SLC18B1: variants seen among roughly 807,000 people sequenced by gnomAD.
SLC18B1 encodes MFS-type transporter SLC18B1.
SLC18B1 carries 62 observed loss-of-function variants against 53.9 expected under a neutral mutation model. The observed-to-expected ratio is 1.15, with a 90% CI of 0.94 to 1.42. SLC18B1 has a LOEUF of 1.42. Among genes scored for constraint, SLC18B1 ranks in the 40% most tolerant of loss-of-function variants. The pLI, the probability that SLC18B1 is intolerant of heterozygous loss-of-function variation, is 0.00. For synonymous variants in SLC18B1, 217 were observed against 200.9 expected (o/e 1.08, Z -0.68); for missense variants, 598 against 547.3 (o/e 1.09, Z -0.93).
intron 4 of SLC18B1, among the ~76,000 whole-genome samples, chr6:132,788,053 C>T (rs776562881): frequency 1.6e-4 from 24 of 151,208 alleles, no homozygotes; most frequent in Non-Finnish European, 2.8e-4. Context: ...TCCAGCTACT[C>T]GGGAGGCTGA....
At chr6:132,775,017 TC>T (rs1167898024) in intron 8 of SLC18B1, among the ~76,000 whole-genome samples, 1 of 152,130 alleles carries the variant, frequency 6.6e-6, no homozygotes, top group Non-Finnish European at 1.5e-5. Flanking sequence ...AATGCTTATG[TC>T]CCCCCAAAAT....
intron 10 of SLC18B1, 67 bp from the exon 11 acceptor site, chr6:132,772,273 G>T: frequency 2.1e-6 from 2 of 944,318 alleles, no homozygotes; most frequent in Non-Finnish European, 3.1e-6. Context: ...AAAATTGTAT[G>T]ATAGATCAAT....
chr6:132,781,333 C>T (rs1436778336), intron 6 of SLC18B1, among the ~76,000 whole-genome samples: 1 of 151,492 alleles, frequency 6.6e-6, no homozygotes, highest in East Asian at 1.9e-4. Context: ...CTGACAAAGC[C>T]TGCACAGGAA....
chr6:132,777,607 G>A (rs962749199), intron 7 of SLC18B1, among the ~76,000 whole-genome samples: 4 of 152,032 alleles, frequency 2.6e-5, no homozygotes, highest in African/African-American at 9.7e-5. Flanking sequence ...CCAGCTACTC[G>A]GGAGGCTGAG....
chr6:132,782,901 A>T (rs1403551443), intron 6 of SLC18B1, among the ~76,000 whole-genome samples: 2 of 151,548 alleles, frequency 1.3e-5, no homozygotes, highest in African/African-American at 4.9e-5. Context: ...CAGCCTCCTG[A>T]GTAGCTGGGA....
At chr6:132,776,512 A>C in intron 7 of SLC18B1, 83 bp from the exon 8 acceptor site, 1 of 933,248 alleles carries the variant, frequency 1.1e-6, no homozygotes, top group Non-Finnish European at 1.6e-6. Context: ...CCATTTCTTT[A>C]GCTCTTATTA....
At chr6:132,797,575 G>A (rs143670977) in intron 1 of SLC18B1, among the ~76,000 whole-genome samples, 3,926 of 152,246 alleles carry the variant, frequency 0.026, 149 homozygotes, top group African/African-American at 0.09. Flanking sequence ...TCCAGCCTGG[G>A]CTACAGAGAG....
At chr6:132,770,473 C>A in intron 13 of SLC18B1, 137 bp from the exon 14 acceptor site, 1 of 701,400 alleles carries the variant, frequency 1.4e-6, no homozygotes, top group South Asian at 1.8e-5. Context: ...TGGTGGCTCA[C>A]GCCTGTAATC....
Position 132,790,265 on chromosome 6 carries a change from T to C in SLC18B1, c.191A>G (p.Lys64Arg). ...GATAATTGTATTGCTGGCTCCCTTCTTTTCAGCCTTTAAGTAATAGAAACG... is the reference window on the plus strand; with the variant it reads ...GATAATTGTATTGCTGGCTCCCTTCCTTTCAGCCTTTAAGTAATAGAAACG... ...LGPFFPKEAEKKGASNTIIGM... is the reference protein window; with the variant it reads ...LGPFFPKEAERKGASNTIIGM... The change falls in exon 3 of 14, where the codon AAG (lysine) becomes AGG (arginine). Residue 64 changes from lysine to arginine, a missense_variant. Physicochemically the swap from Lys to Arg is conservative, Grantham distance 26. Coordinates refer to ENST00000275227, the MANE Select transcript of SLC18B1 (RefSeq NM_052831.3). The C allele has an allele frequency of 1.3e-6, 2 of 1,549,828 alleles. No individual in the cohort carries two copies. Among genetic ancestry groups the C allele is most frequent in the Non-Finnish European group, 1.7e-6 (2 of 1,146,452 alleles).
At position 132,787,563 on chromosome 6, in the gene SLC18B1, T is replaced by C; in HGVS notation, c.372A>G (p.Pro124=). 1 of 1,598,734 alleles carries C rather than the reference T, an allele frequency of 6.3e-7. No homozygotes were observed. Among genetic ancestry groups the C allele is most frequent in the South Asian group, 1.1e-5 (1 of 88,006 alleles). ...ACATAGCAATAAATACTGGCCCATC[T>C]GGAACTCGGTCCAATACACTAAAAA... ...TILFGVLDRV[P]DGPVFIAMCF... The change falls in exon 5 of 14, where the codon CCA becomes CCG. Residue 124 remains proline, a synonymous_variant. Transcript: ENST00000275227.
At chr6:132,789,502 G>T (rs114819435) in intron 4 of SLC18B1, 215 of 307,276 alleles carry the variant, frequency 7.0e-4, no homozygotes, top group African/African-American at 4.3e-3. Flanking sequence ...AGTGAGTTAA[G>T]TTTCTGTCAC....
Position 132,770,174 on chromosome 6 carries a change from GT to G in SLC18B1, c.*95del. On this transcript the variant is annotated 3_prime_UTR_variant, in exon 14 of 14. Transcript: ENST00000275227. ...AAGACACTGGCACGGGGTCCACGGA[GT>G]TTTGCGCGTAAAATTTTAAAAACCC... 1 of 1,014,814 alleles carries G rather than the reference GT, an allele frequency of 9.9e-7. No individual in the cohort carries two copies. 62.9% of individuals were successfully genotyped at this position (1,014,814 alleles called of 1,614,324 possible).
intron 10 of SLC18B1, 55 bp from the exon 11 acceptor site, chr6:132,772,261 A>G: frequency 8.8e-7 from 1 of 1,134,804 alleles, no homozygotes; most frequent in South Asian, 1.6e-5. Flanking sequence ...TGTGTGAAAG[A>G]AAAAATTGTA....
intron 3 of SLC18B1, 102 bp downstream of exon 3, chr6:132,790,075 G>T: frequency 1.1e-6 from 1 of 871,558 alleles, no homozygotes; most frequent in Non-Finnish European, 1.8e-6. Flanking sequence ...AAACTATAAC[G>T]ATGGCTATTT....
chr6:132,782,986 G>A (rs1781274769), intron 6 of SLC18B1, among the ~76,000 whole-genome samples: 3 of 151,760 alleles, frequency 2.0e-5, no homozygotes, highest in Non-Finnish European at 4.4e-5. Flanking sequence ...TGTTGGTCAG[G>A]CCGGTCTCAA....
intron 4 of SLC18B1, among the ~76,000 whole-genome samples, chr6:132,788,043 T>A (rs1247367678): frequency 6.6e-6 from 1 of 151,570 alleles, no homozygotes; most frequent in Non-Finnish European, 1.5e-5. Flanking sequence ...CACCTGTAGT[T>A]CCAGCTACTC....
Position 132,776,407 on chromosome 6 carries a change from A to T in SLC18B1, c.818T>A (p.Val273Glu). The T allele has an allele frequency of 6.2e-7, 1 of 1,613,448 alleles. No individual in the cohort carries two copies. The highest frequency in any genetic ancestry group is 8.5e-7 in the Non-Finnish European group (1 of 1,179,662). The stretch of plus-strand genomic sequence containing the variant: ...TGCCATACCCAGGAATACTAGTCCC[A>T]CATATCCAGCTGGTAAATTGAACTG... Reference protein sequence around the residue: ...LEKFNLPAGYVGLVFLGMALS... With the variant: ...LEKFNLPAGYEGLVFLGMALS... The change falls in exon 8 of 14, where the codon GTG (valine) becomes GAG (glutamate). Residue 273 changes from valine to glutamate, a missense_variant. Transcript: ENST00000275227.
intron 7 of SLC18B1, among the ~76,000 whole-genome samples, chr6:132,777,889 T>C (rs1361804715): frequency 6.6e-6 from 1 of 152,194 alleles, no homozygotes; most frequent in African/African-American, 2.4e-5. Context: ...TAAAACATTT[T>C]TCTTATGGGT....
rs377251970 is a variant in SLC18B1 at position 132,770,276 on chromosome 6, T to A, written c.1365A>T (p.Glu455Asp). 2 of 1,612,914 alleles carry A rather than the reference T, an allele frequency of 1.2e-6. No homozygotes were observed. Among genetic ancestry groups the A allele is most frequent in the African/African-American group, 2.7e-5 (2 of 74,914 alleles). ...EEERTTLLPN[E>D]T Reference sequence around the variant, plus strand: ...CAATCCAGGATCCATCGGACTAGGTTTCATTAGGCAAGAGAGTAGTTCGTT... The same window carrying A: ...CAATCCAGGATCCATCGGACTAGGTATCATTAGGCAAGAGAGTAGTTCGTT... The change falls in exon 14 of 14, where the codon GAA (glutamate) becomes GAT (aspartate). Residue 455 changes from glutamate to aspartate, a missense_variant. Physicochemically the swap from Glu to Asp is conservative, Grantham distance 45 (BLOSUM62 2). Coordinates refer to ENST00000275227, the MANE Select transcript of SLC18B1 (RefSeq NM_052831.3).
Sources: gnomAD v4.1 joint callset for allele counts (sites outside exome capture counted in the v4.1 genomes callset) on GRCh38, gnomAD v4.1.1 for gene constraint, MANE v1.5 for transcripts, NCBI Gene and HGNC (gene_info 2026-07-23, HGNC 2026-07-21) for gene names.